Variants in PCNT observed in about 807,000 individuals in gnomAD.
The protein encoded by PCNT is kendrin.
Under a neutral mutation model 380.4 loss-of-function variants are expected in PCNT, and 319 were observed. The ratio of observed to expected loss-of-function variants is 0.84; its 90% CI spans 0.77 to 0.92. PCNT has a LOEUF of 0.92. Ranked by LOEUF, PCNT falls within the 40% of genes least tolerant of loss-of-function variation. The probability of loss-of-function intolerance (pLI) is 0.00; values close to 1 mark genes in which losing one functional copy is unlikely to be tolerated. For missense variants in PCNT, 4,400 were observed against 4,255.3 expected (o/e 1.03, Z -0.95); for synonymous variants, 1,845 against 1,735.2 (o/e 1.06, Z -1.57).
chr21:46,398,302 G>C lies in PCNT; in HGVS notation c.4584+47G>C, dbSNP rs199892043. On this transcript the variant is annotated intron_variant, in intron 24 of 46. Transcript: ENST00000359568. The stretch of plus-strand genomic sequence containing the variant: ...GGGCACTCCCTGCGCTGGCGCCCAG[G>C]CTCCCCTGCGCTCGCTGGGACTGTC... 6 of 1,556,670 alleles carry C rather than the reference G, an allele frequency of 3.9e-6. No homozygotes were observed. The East Asian group carries it at 1.2e-4, about 30-fold the overall frequency.
At chr21:46,363,374 G>T in intron 13 of PCNT, 106 bp from the exon 14 acceptor site, 1 of 807,758 alleles carries the variant, frequency 1.2e-6, no homozygotes, top group Non-Finnish European at 2.2e-6. Flanking sequence ...TAATGGGTGT[G>T]TGTGTGGTGA....
In PCNT at chr21:46,388,636, C is replaced by T. The variant is rs573561112; in HGVS notation, c.3465-106C>T. ...TTCCGGCCCCGTGGGGACAGGCAGCCGTGGGCCGAGGTGTGCAAACTGGTG... is the reference window on the plus strand; with the variant it reads ...TTCCGGCCCCGTGGGGACAGGCAGCTGTGGGCCGAGGTGTGCAAACTGGTG... On this transcript the variant is annotated intron_variant, in intron 17 of 46. Coordinates refer to ENST00000359568, the MANE Select transcript of PCNT (RefSeq NM_006031.6). This position sits in a 1 kb window ranked among gnomAD's most constrained non-coding sequence, Gnocchi z 4.2. 28 of 1,411,196 alleles carry T rather than the reference C, an allele frequency of 2.0e-5. 1 individual carries two copies. The highest frequency in any genetic ancestry group is 1.7e-4 in the African/African-American group (12 of 71,406). The allele number at this position is 1,411,196 out of a possible 1,614,324, so 87.4% of individuals were successfully genotyped here.
At chr21:46,373,160 A>G (rs113737243) in intron 15 of PCNT, among the ~76,000 whole-genome samples, 19,319 of 152,062 alleles carry the variant, frequency 0.13, 3,415 homozygotes, top group African/African-American at 0.4. Flanking sequence ...AGCTGGGACT[A>G]CAGATGTGCA....
Position 46,430,014 on chromosome 21 carries a change from A to G in PCNT, c.7695A>G (p.Glu2565=), listed in dbSNP as rs201789849. Residue 2565 remains glutamate (E), a synonymous_variant, in exon 36 of 47, where the codon GAA becomes GAG. Transcript: ENST00000359568. ...CTGTTCTTTTGTCTTTCTCAGTTGA[A>G]CTGCTGGCTTATAAAGTAGAGCAGG... ...QQEHQLRRQV[E]LLAYKVEQEK... The G allele has an allele frequency of 1.9e-5, 30 of 1,613,852 alleles. No individual in the cohort carries two copies. The highest frequency in any genetic ancestry group is 5.0e-5 in the Admixed American group (3 of 59,992).
At chr21:46,417,056 C>T (rs941642678) in intron 30 of PCNT, among the ~76,000 whole-genome samples, 5 of 152,160 alleles carry the variant, frequency 3.3e-5, no homozygotes, top group African/African-American at 1.2e-4. Context: ...CTGCCTCAGA[C>T]ATACCCTGGG....
chr21:46,361,803 G>A (rs180862589), intron 13 of PCNT, among the ~76,000 whole-genome samples: 100 of 152,202 alleles, frequency 6.6e-4, no homozygotes, highest in Admixed American at 2.9e-3. Context: ...GAGTATTTTT[G>A]TGGCATTAAA....
At position 46,436,158 on chromosome 21, in the gene PCNT, C is replaced by T. The variant is rs748036380; in HGVS notation, c.8996+10C>T. 3.7e-6 allele frequency: 6 copies of T among 1,604,310 alleles called. No homozygotes were observed. The highest frequency in any genetic ancestry group is 1.8e-4 in the Middle Eastern group (1 of 5,700). ...GCCAGGCCGTGGACAGGTGTGCACCCACGCCACCTGGCGCTCACTGGTCCC... is the reference window on the plus strand; with the variant it reads ...GCCAGGCCGTGGACAGGTGTGCACCTACGCCACCTGGCGCTCACTGGTCCC... On this transcript the variant is annotated intron_variant, in intron 39 of 46. Coordinates refer to ENST00000359568, the MANE Select transcript of PCNT (RefSeq NM_006031.6).
intron 15 of PCNT, among the ~76,000 whole-genome samples, chr21:46,369,899 T>C (rs1398063892): frequency 1.3e-5 from 2 of 152,104 alleles, no homozygotes; most frequent in Non-Finnish European, 2.9e-5. Flanking sequence ...AACTCAGAGA[T>C]GTACGCTGCC....
In PCNT at chr21:46,327,541, T is replaced by C. The variant is rs144390583; in HGVS notation, c.267+952T>C. Among the ~76,000 whole-genome samples, 809 of 152,268 alleles carry C rather than the reference T, an allele frequency of 5.3e-3. 6 individuals are homozygous for C. The highest frequency in any genetic ancestry group is 0.019 in the African/African-American group (775 of 41,564). ...TCAGCCTCTTAAAGTGTTGGGATTA[T>C]AGGCATGAGCCACTGCGCCTGGCCC... On this transcript the variant is annotated intron_variant, in intron 2 of 46. Coordinates refer to ENST00000359568, the MANE Select transcript of PCNT (RefSeq NM_006031.6).
chr21:46,360,534 T>TC (rs397732139), intron 13 of PCNT, among the ~76,000 whole-genome samples: 1 of 146,092 alleles, frequency 6.8e-6, no homozygotes, highest in Admixed American at 6.9e-5. Context: ...TTTTTTTTTT[T>TC]CTGAGACGGA....
chr21:46,334,435 A>C lies in PCNT; in HGVS notation c.306A>C (p.Glu102Asp), dbSNP rs2083663516. The C allele has an allele frequency of 6.2e-7, 1 of 1,614,078 alleles. No individual in the cohort carries two copies. Among genetic ancestry groups the C allele is most frequent in the African/African-American group, 1.3e-5 (1 of 74,936 alleles). ...DCDGEKREDL[E>D]QLQQKQVNDH... ...ATGGAGAGAAGAGAGAGGACTTGGA[A>C]CAGCTGCAGCAGAAGCAAGTCAATG... Residue 102 changes from glutamate (E) to aspartate (D), a missense_variant, in exon 3 of 47, where the codon GAA (glutamate) becomes GAC (aspartate). By Grantham distance (45) the Glu-to-Asp change is conservative. Transcript: ENST00000359568.
At chr21:46,436,938 G>A in intron 39 of PCNT, 41 bp from the exon 40 acceptor site, 1 of 1,387,134 alleles carries the variant, frequency 7.2e-7, no homozygotes, top group African/African-American at 1.4e-5. Flanking sequence ...ATGGTCACTT[G>A]GGGCGCGTAT....
intron 33 of PCNT, among the ~76,000 whole-genome samples, chr21:46,426,561 G>C (rs1030144282): frequency 6.6e-6 from 1 of 152,162 alleles, no homozygotes; most frequent in Admixed American, 6.5e-5. Context: ...GCCCATTCCA[G>C]CACTTGTCCC....
chr21:46,384,770 G>C (rs2085764887), intron 16 of PCNT, among the ~76,000 whole-genome samples: 1 of 142,124 alleles, frequency 7.0e-6, no homozygotes, highest in Admixed American at 7.0e-5. Context: ...TCACGGTGTT[G>C]TGCGTAGTTC....
At chr21:46,328,968 G>A (rs2083474096) in intron 2 of PCNT, among the ~76,000 whole-genome samples, 1 of 151,122 alleles carries the variant, frequency 6.6e-6, no homozygotes, top group Admixed American at 6.6e-5. Context: ...TTGAGATGGG[G>A]TTTCACCACA....
At chr21:46,366,038 T>G (rs957789003) in intron 14 of PCNT, among the ~76,000 whole-genome samples, 2 of 150,674 alleles carry the variant, frequency 1.3e-5, no homozygotes, top group Admixed American at 6.6e-5. Context: ...ATTCACTGCC[T>G]TGGGGTTCTA....
intron 1 of PCNT, among the ~76,000 whole-genome samples, 166 bp from the exon 2 acceptor site, chr21:46,326,211 T>C (rs928143143): frequency 1.3e-5 from 2 of 152,242 alleles, no homozygotes; most frequent in Admixed American, 6.5e-5. Context: ...GATATAGATA[T>C]TGATGAAGGC....
At chr21:46,399,936 G>A in intron 25 of PCNT, 140 bp downstream of exon 25, 2 of 786,364 alleles carry the variant, frequency 2.5e-6, no homozygotes, top group East Asian at 2.4e-5. Flanking sequence ...ACTGGCGTCA[G>A]GGAGAAACAG....
rs759412027 is a variant in PCNT, at chr21:46,399,766, A to G, written c.4761A>G (p.Lys1587=). The part of the protein sequence containing the change: ...KVAQLQEEVE[K]QKNIVKGLEQ... Reference sequence around the variant, plus strand: ...CCCAGCTCCAGGAAGAAGTGGAAAAACAGAAAAACATCGTGAAAGGGCTGG... The same window carrying G: ...CCCAGCTCCAGGAAGAAGTGGAAAAGCAGAAAAACATCGTGAAAGGGCTGG... Residue 1587 remains lysine, a synonymous_variant, in exon 25 of 47, where the codon AAA becomes AAG. Transcript: ENST00000359568. 6.2e-6 allele frequency: 10 copies of G among 1,614,010 alleles called. No homozygotes were observed. Among genetic ancestry groups the G allele is most frequent in the South Asian group, 3.3e-5 (3 of 91,086 alleles).
Sources: gnomAD v4.1 joint callset for allele counts (sites outside exome capture counted in the v4.1 genomes callset) on GRCh38, gnomAD v4.1.1 for gene constraint, Gnocchi (gnomAD v3.1) non-coding constraint, MANE v1.5 for transcripts, NCBI Gene and HGNC (gene_info 2026-07-23, HGNC 2026-07-21) for gene names.